HNRNPC: variants seen among roughly 807,000 people sequenced by gnomAD.
The protein encoded by HNRNPC is heterogeneous nuclear ribonucleoprotein C.
A neutral mutation model predicts 33.2 loss-of-function variants in HNRNPC; 3 were observed. That is an observed-to-expected ratio of 0.09 (90% CI 0.04 to 0.23). HNRNPC has a LOEUF of 0.23. HNRNPC is among the 10% of genes least tolerant of loss of function. HNRNPC has a pLI of 1.00. For missense variants in HNRNPC, 143 were observed against 366.7 expected (o/e 0.39, Z 4.98); for synonymous variants, 121 against 126.7 (o/e 0.96, Z 0.30).
chr14:21,218,676 T>A, intron 5 of HNRNPC, among the ~76,000 whole-genome samples: 1 of 52,428 alleles, frequency 1.9e-5, no homozygotes, highest in Non-Finnish European at 3.1e-5. Flanking sequence ...AGCGAAACTC[T>A]CTCTCAAAAA....
chr14:21,228,774 C>T (rs180856993), intron 5 of HNRNPC, among the ~76,000 whole-genome samples: 1 of 151,940 alleles, frequency 6.6e-6, no homozygotes, highest in East Asian at 1.9e-4. Flanking sequence ...TCAAAATGTT[C>T]ACACATAACT....
chr14:21,267,135 G>A (rs1236890956), intron 1 of HNRNPC, among the ~76,000 whole-genome samples: 4 of 131,402 alleles, frequency 3.0e-5, no homozygotes, highest in African/African-American at 8.4e-5. Context: ...AAACAAAACT[G>A]CTTTTAATAA....
intron 5 of HNRNPC, among the ~76,000 whole-genome samples, chr14:21,223,991 T>C (rs1453558062): frequency 1.3e-5 from 2 of 152,120 alleles, no homozygotes; most frequent in Non-Finnish European, 1.5e-5. Flanking sequence ...CCTAGAAGTC[T>C]CCTGCTCTGT....
At chr14:21,226,628 AG>A (rs765024894) in intron 5 of HNRNPC, among the ~76,000 whole-genome samples, 38 of 152,226 alleles carry the variant, frequency 2.5e-4, no homozygotes, top group Admixed American at 5.9e-4. Flanking sequence ...TGGCCAAGGC[AG>A]GGAGATCCCT....
intron 1 of HNRNPC, chr14:21,264,542 T>C (rs1237968553): frequency 1.3e-5 from 2 of 152,234 alleles, no homozygotes; most frequent in African/African-American, 2.4e-5. Flanking sequence ...TAAAGCTAAT[T>C]TCAAGTTATG....
chr14:21,236,463 A>G (rs1161036398), intron 2 of HNRNPC: 2 of 152,194 alleles, frequency 1.3e-5, no homozygotes, highest in East Asian at 3.8e-4. Context: ...GTGTCCTCCT[A>G]AGGAATGAAC....
chr14:21,228,504 A>T (rs55645943), intron 5 of HNRNPC, among the ~76,000 whole-genome samples: 7 of 152,040 alleles, frequency 4.6e-5, no homozygotes, highest in Non-Finnish European at 1.0e-4. Flanking sequence ...CAATTCTCCT[A>T]CATCATCCTC....
chr14:21,267,740 G>C (rs954294437), intron 1 of HNRNPC, among the ~76,000 whole-genome samples: 1 of 152,074 alleles, frequency 6.6e-6, no homozygotes. Context: ...CTGACCGGAA[G>C]GAACCCATTT....
At chr14:21,261,209 CCTCA>C (rs1268618441) in intron 2 of HNRNPC, among the ~76,000 whole-genome samples, 13 of 152,058 alleles carry the variant, frequency 8.5e-5, no homozygotes, top group Non-Finnish European at 1.6e-4. Flanking sequence ...CATGTGTCTC[CCTCA>C]CTAAGCTGCG....
At chr14:21,231,909 A>G (rs1291706650) in intron 3 of HNRNPC, among the ~76,000 whole-genome samples, 2 of 152,224 alleles carry the variant, frequency 1.3e-5, no homozygotes, top group Non-Finnish European at 2.9e-5. Context: ...CCAATTCACA[A>G]ATTAACATAG....
chr14:21,212,545 ATTT>A (rs869076436), intron 6 of HNRNPC, among the ~76,000 whole-genome samples: 1 of 144,334 alleles, frequency 6.9e-6, no homozygotes, highest in East Asian at 2.0e-4. Context: ...GTTATTTTGG[ATTT>A]TTTTTTTTTT....
Position 21,209,516 on chromosome 14 carries a change from A to C in HNRNPC, c.*1707T>G, listed in dbSNP as rs1891408734. On this transcript the variant is annotated 3_prime_UTR_variant, in exon 9 of 9. Coordinates refer to ENST00000553300, the MANE Select transcript of HNRNPC (RefSeq NM_004500.4). Reference sequence around the variant, plus strand: ...GCTCACATCAGATTAGAAAACATCAAGTGGGTAGTATTTTTGACTGAATTA... The same window carrying C: ...GCTCACATCAGATTAGAAAACATCACGTGGGTAGTATTTTTGACTGAATTA... The C allele has an allele frequency of 1.3e-5, 2 of 152,360 alleles. No individual in the cohort carries two copies. The highest frequency in any genetic ancestry group is 1.9e-4 in the East Asian group (1 of 5,194). 9.4% of individuals were successfully genotyped at this position (152,360 alleles called of 1,614,324 possible).
At chr14:21,226,837 C>CCCACTGCA (rs1204371898) in intron 5 of HNRNPC, among the ~76,000 whole-genome samples, 1 of 140,084 alleles carries the variant, frequency 7.1e-6, no homozygotes, top group Non-Finnish European at 1.5e-5. Flanking sequence ...CCAAGACCAA[C>CCCACTGCA]CCACTGCACT....
intron 5 of HNRNPC, 153 bp from the exon 6 acceptor site, chr14:21,213,270 G>T: frequency 1.4e-6 from 1 of 709,410 alleles, no homozygotes; most frequent in Non-Finnish European, 2.3e-6. Context: ...CTCCACAGTG[G>T]GGTTTAGAAA....
intron 5 of HNRNPC, among the ~76,000 whole-genome samples, chr14:21,217,157 T>C (rs915474570): frequency 1.3e-5 from 2 of 152,224 alleles, no homozygotes; most frequent in Admixed American, 1.3e-4. Flanking sequence ...TGGACTCTCA[T>C]TCACATCTGA....
intron 2 of HNRNPC, among the ~76,000 whole-genome samples, chr14:21,241,549 C>G (rs945845701): frequency 3.3e-5 from 5 of 152,114 alleles, no homozygotes; most frequent in African/African-American, 1.2e-4. Flanking sequence ...CTTGGATGAT[C>G]TTCATTTGAT....
At position 21,267,095 on chromosome 14, in the gene HNRNPC, CAAAAAAAAAAAAAA is replaced by C. The variant is rs56203257; in HGVS notation, c.-63+2189_-63+2202del. Among the ~76,000 whole-genome samples, 6 of 104,116 alleles carry C rather than the reference CAAAAAAAAAAAAAA, an allele frequency of 5.8e-5. No homozygotes were observed. The East Asian group carries it at 9.3e-4, about 16-fold the overall frequency. The allele number at this position is 104,116 out of a possible 152,430, so 68.3% of individuals were successfully genotyped here. A position where few individuals can be genotyped will look rare whatever the true frequency, so the allele number is the denominator to read the frequency against. ...AGGGCGACAGAGCGAGACTCCGTCT[CAAAAAAAAAAAAAA>C]AAAAAAAAAAAAAAAAAACAAAACT... On this transcript the variant is annotated intron_variant, in intron 1 of 8. Transcript: ENST00000553300.
At chr14:21,212,595 T>G (rs181110770) in intron 6 of HNRNPC, among the ~76,000 whole-genome samples, 3 of 151,596 alleles carry the variant, frequency 2.0e-5, no homozygotes, top group African/African-American at 7.3e-5. Flanking sequence ...CAGGCTGGAG[T>G]GCAATGGCAT....
rs1414905596 is a variant in HNRNPC, at chr14:21,209,453, T to A, written c.*1770A>T. 2 of 152,228 alleles carry A rather than the reference T, an allele frequency of 1.3e-5. No individual in the cohort carries two copies. The highest frequency in any genetic ancestry group is 2.9e-5 in the Non-Finnish European group (2 of 68,026). 9.4% of individuals were successfully genotyped at this position (152,228 alleles called of 1,614,324 possible). On this transcript the variant is annotated 3_prime_UTR_variant, in exon 9 of 9. Coordinates refer to ENST00000553300, the MANE Select transcript of HNRNPC (RefSeq NM_004500.4). ...TCTCCTAAGCATCCAGTTTATTTTC[T>A]AGTCACGGGTTACTTACTAAAAGTC...
Sources: allele counts gnomAD v4.1 joint callset (sites outside exome capture counted in the v4.1 genomes callset), GRCh38; gene constraint gnomAD v4.1.1; transcripts MANE v1.5; gene names NCBI Gene and HGNC (gene_info 2026-07-23, HGNC 2026-07-21).